The following SSH2 variants were observed in gnomAD, a reference collection of about 807,000 sequenced individuals.
The protein encoded by SSH2 is slingshot protein phosphatase 2.
SSH2 carries 37 observed loss-of-function variants against 135.2 expected under a neutral mutation model. That is an observed-to-expected ratio of 0.27 (90% CI 0.21 to 0.36). SSH2 has a LOEUF of 0.36. Ranked by LOEUF, SSH2 falls within the 10% of genes least tolerant of loss-of-function variation. The probability of loss-of-function intolerance (pLI) is 1.00; values close to 1 mark genes in which losing one functional copy is unlikely to be tolerated. For synonymous variants in SSH2, 628 were observed against 646.2 expected, an observed-to-expected ratio of 0.97 and a Z score of 0.43; for missense variants, 1,408 against 1,765.3, an observed-to-expected ratio of 0.80 and a Z score of 3.63.
Position 29,631,598 on chromosome 17 carries a change from C to T in SSH2, c.3596G>A (p.Ser1199Asn). ...CTGGGAGTCCTTATATGGCACCTCA[C>T]TGCCACTGGAGAGAGGGCTCTCCTG... Reference protein sequence around the residue: ...ESQESPLSSGSEVPYKDSQLS... With the variant: ...ESQESPLSSGNEVPYKDSQLS... The change falls in exon 16 of 16, where the codon AGT (serine) becomes AAT (asparagine). Residue 1199 changes from serine (S) to asparagine (N), a missense_variant. By Grantham distance (46) the Ser-to-Asn change is conservative (BLOSUM62 1). Transcript: ENST00000540801. The T allele has an allele frequency of 6.2e-7, 1 of 1,614,200 alleles. No individual in the cohort carries two copies. Among genetic ancestry groups the T allele is most frequent in the Non-Finnish European group, 8.5e-7 (1 of 1,180,038 alleles).
At chr17:29,743,822 A>G (rs376832353) in intron 3 of SSH2, among the ~76,000 whole-genome samples, 4 of 152,080 alleles carry the variant, frequency 2.6e-5, no homozygotes, top group African/African-American at 9.6e-5. Flanking sequence ...ATGTTATGAA[A>G]TATGCAGTTT....
chr17:29,739,327 G>A (rs2040480412), intron 3 of SSH2, among the ~76,000 whole-genome samples: 1 of 152,204 alleles, frequency 6.6e-6, no homozygotes, highest in Non-Finnish European at 1.5e-5. Context: ...CAGAATTGGT[G>A]TAATGCTCTG....
chr17:29,900,603 GAT>G (rs2066532798), intron 1 of SSH2, among the ~76,000 whole-genome samples: 1 of 152,192 alleles, frequency 6.6e-6, no homozygotes, highest in Non-Finnish European at 1.5e-5. Flanking sequence ...CAGTTAGAAT[GAT>G]GATCATTAAA....
chr17:29,689,699 T>G (rs1598807428), intron 5 of SSH2, among the ~76,000 whole-genome samples: 1 of 152,168 alleles, frequency 6.6e-6, no homozygotes, highest in Admixed American at 6.6e-5. Context: ...TCTTTATTCC[T>G]GAAGAACCCA....
chr17:29,814,432 C>CAAAAAAAAAA (rs1179862061), intron 2 of SSH2, among the ~76,000 whole-genome samples: 1 of 39,086 alleles, frequency 2.6e-5, no homozygotes, highest in African/African-American at 1.1e-4. Context: ...GACTCTGTCT[C>CAAAAAAAAAA]AAAAAAAAAA....
In SSH2 at chr17:29,698,384, A is replaced by C. The variant is rs1307924395; in HGVS notation, c.293-2861T>G. Reference sequence around the variant, plus strand: ...ATATCTCAATAAAGCTGTTAAACAAAAAATAAAAGAACAAGTATGAGGAGA... The same window carrying C: ...ATATCTCAATAAAGCTGTTAAACAACAAATAAAAGAACAAGTATGAGGAGA... On this transcript the variant is annotated intron_variant, in intron 4 of 15. Transcript: ENST00000540801. Among the ~76,000 whole-genome samples the C allele has an allele frequency of 2.6e-5, 4 of 152,356 alleles. No individual in the cohort carries two copies. In the South Asian group the frequency reaches 6.2e-4, roughly 24 times the overall value.
At chr17:29,791,917 C>CTTTT (rs36064413) in intron 3 of SSH2, among the ~76,000 whole-genome samples, 6 of 128,332 alleles carry the variant, frequency 4.7e-5, no homozygotes, top group East Asian at 2.2e-4. Context: ...TCTTCTTCCT[C>CTTTT]TTTTTTTTTT....
intron 1 of SSH2, among the ~76,000 whole-genome samples, chr17:29,865,171 A>T (rs2065832915): frequency 6.6e-6 from 1 of 152,236 alleles, no homozygotes; most frequent in Non-Finnish European, 1.5e-5. Flanking sequence ...TATTTGACTC[A>T]GATACAAAAA....
intron 3 of SSH2, among the ~76,000 whole-genome samples, chr17:29,731,386 T>C (rs2040185575): frequency 6.6e-6 from 1 of 151,858 alleles, no homozygotes. Flanking sequence ...TAAGCAAAAA[T>C]ACCAACTAGG....
chr17:29,891,216 T>C (rs987054620), intron 1 of SSH2, among the ~76,000 whole-genome samples: 1 of 152,174 alleles, frequency 6.6e-6, no homozygotes, highest in Non-Finnish European at 1.5e-5. Flanking sequence ...TTTCATATGT[T>C]AGTACTTAAC....
intron 15 of SSH2, among the ~76,000 whole-genome samples, chr17:29,635,153 T>C (rs183935267): frequency 5.3e-5 from 8 of 150,708 alleles, no homozygotes; most frequent in African/African-American, 2.0e-4. Context: ...CCGCCCGCCT[T>C]GGCCTCCCAA....
intron 4 of SSH2, among the ~76,000 whole-genome samples, chr17:29,698,439 T>C (rs1462404347): frequency 1.3e-5 from 2 of 152,176 alleles, no homozygotes; most frequent in African/African-American, 4.8e-5. Context: ...AGTGAAAAGC[T>C]ACCGGAGTTA....
chr17:29,916,811 T>A (rs2066889765), intron 1 of SSH2, among the ~76,000 whole-genome samples: 1 of 152,164 alleles, frequency 6.6e-6, no homozygotes, highest in Non-Finnish European at 1.5e-5. Flanking sequence ...TACTACAAGA[T>A]GCTAACACGT....
At chr17:29,837,469 C>T (rs1388806999) in intron 2 of SSH2, among the ~76,000 whole-genome samples, 1 of 152,130 alleles carries the variant, frequency 6.6e-6, no homozygotes, top group Non-Finnish European at 1.5e-5. Context: ...TCCATTGTAG[C>T]TGCCAGCTGT....
intron 1 of SSH2, among the ~76,000 whole-genome samples, chr17:29,911,541 C>T (rs1206973225): frequency 6.6e-6 from 1 of 152,142 alleles, no homozygotes; most frequent in African/African-American, 2.4e-5. Context: ...ACTTGCTTGG[C>T]AGAGACAGGA....
chr17:29,897,906 A>C (rs2151454335), intron 1 of SSH2, among the ~76,000 whole-genome samples: 1 of 152,318 alleles, frequency 6.6e-6, no homozygotes, highest in South Asian at 2.1e-4. Flanking sequence ...AATGTAAAAG[A>C]ATAGAAATTA....
In SSH2 at chr17:29,632,460, C is replaced by G. The variant is rs757255245; in HGVS notation, c.2734G>C (p.Gly912Arg). The G allele has an allele frequency of 6.2e-7, 1 of 1,614,198 alleles. No homozygotes were observed. Among genetic ancestry groups the G allele is most frequent in the Non-Finnish European group, 8.5e-7 (1 of 1,180,032 alleles). Residue 912 changes from glycine (G) to arginine (R), a missense_variant, in exon 16 of 16, where the codon GGT becomes CGT. Physicochemically the swap from Gly to Arg is moderately radical, Grantham distance 125. Around this residue, in one of 3 missense-constraint regions of SSH2, gnomAD observed 1,080 missense variants for 1,144.5 expected, o/e 0.94. Coordinates refer to ENST00000540801, the MANE Select transcript of SSH2 (RefSeq NM_001282129.2). ...ERLRQEQEHH[G>R]AAPTCTSLST... The stretch of plus-strand genomic sequence containing the variant: ...AATGAGGTACATGTTGGGGCAGCAC[C>G]ATGATGCTCTTGCTCCTGCCGTAAG...
intron 9 of SSH2, among the ~76,000 whole-genome samples, chr17:29,669,260 AG>A (rs1306364888): frequency 6.6e-6 from 1 of 152,182 alleles, no homozygotes; most frequent in African/African-American, 2.4e-5. Flanking sequence ...CAAAAAAAAA[AG>A]AAAAAAAGAG....
chr17:29,894,952 A>C (rs1013177882), intron 1 of SSH2, among the ~76,000 whole-genome samples: 5 of 151,126 alleles, frequency 3.3e-5, no homozygotes, highest in African/African-American at 1.2e-4. Flanking sequence ...TTTTCAAGAC[A>C]AAATTCAAAC....
Sources: gnomAD v4.1 joint callset for allele counts (sites outside exome capture counted in the v4.1 genomes callset) on GRCh38, gnomAD v4.1.1 for gene constraint, gnomAD v4.1.1 regional missense constraint, MANE v1.5 for transcripts, NCBI Gene and HGNC (gene_info 2026-07-23, HGNC 2026-07-21) for gene names.